The following MAML2 variants were observed in gnomAD, a reference collection of about 807,000 sequenced individuals.
MAML2 encodes the protein mastermind-like protein 2.
MAML2 carries 22 observed loss-of-function variants against 96.1 expected under a neutral mutation model. The observed-to-expected ratio is 0.23, with a 90% CI of 0.16 to 0.33. The LOEUF (loss-of-function observed/expected upper bound fraction) is 0.33. MAML2 is among the 10% of genes least tolerant of loss of function. MAML2 has a pLI of 1.00. For missense variants in MAML2, 1,367 were observed against 1,392.4 expected (o/e 0.98, Z 0.29); for synonymous variants, 561 against 521.3 (o/e 1.08, Z -1.04).
intron 1 of MAML2, among the ~76,000 whole-genome samples, chr11:96,178,598 G>A (rs1565239147): frequency 6.6e-6 from 1 of 152,060 alleles, no homozygotes; most frequent in Non-Finnish European, 1.5e-5. Context: ...ACAACCAATC[G>A]CCTAAAACTA....
intron 1 of MAML2, among the ~76,000 whole-genome samples, chr11:96,341,010 G>A (rs949902517): frequency 6.6e-6 from 1 of 152,162 alleles, no homozygotes; most frequent in African/African-American, 2.4e-5. Flanking sequence ...AAAATGGCTT[G>A]GGGGCCTAAT....
intron 1 of MAML2, among the ~76,000 whole-genome samples, chr11:96,210,711 T>C (rs751573563): frequency 6.6e-6 from 1 of 152,186 alleles, no homozygotes; most frequent in Admixed American, 6.5e-5. Flanking sequence ...GCACCTAGCA[T>C]AGAGCATAGA....
intron 2 of MAML2, among the ~76,000 whole-genome samples, chr11:96,088,897 T>C (rs555333313): frequency 9.9e-5 from 15 of 152,104 alleles, no homozygotes; most frequent in Admixed American, 6.5e-5. Flanking sequence ...AAAGGGAAGG[T>C]CACCTTGCAT....
At chr11:96,273,197 T>C (rs1862940181) in intron 1 of MAML2, among the ~76,000 whole-genome samples, 1 of 152,224 alleles carries the variant, frequency 6.6e-6, no homozygotes, top group Admixed American at 6.5e-5. Context: ...TGACAGCAAT[T>C]GAAAACAATC....
intron 2 of MAML2, among the ~76,000 whole-genome samples, chr11:96,034,509 GTTAT>G (rs898251791): frequency 4.1e-4 from 62 of 149,844 alleles, no homozygotes; most frequent in African/African-American, 1.5e-3. Context: ...AAAAACATTT[GTTAT>G]TTATGAAACC....
rs933895733 is a variant in MAML2 at position 96,015,614 on chromosome 11, T to C, written c.2140-23891A>G. On this transcript the variant is annotated intron_variant, in intron 2 of 4. Coordinates refer to ENST00000524717, the MANE Select transcript of MAML2 (RefSeq NM_032427.4). ...GGGGGGGCAATTCATGAAGACATAT[T>C]AGTGATGACCCATGTGTACCAAAAT... Among the ~76,000 whole-genome samples, 5 of 143,496 alleles carry C rather than the reference T, an allele frequency of 3.5e-5. No homozygotes were observed. In the Admixed American group the frequency reaches 3.5e-4, roughly 10 times the overall value. The allele number at this position is 143,496 out of a possible 152,430, so 94.1% of individuals were successfully genotyped here.
At chr11:96,209,604 A>G (rs996495503) in intron 1 of MAML2, among the ~76,000 whole-genome samples, 3 of 37,614 alleles carry the variant, frequency 8.0e-5, no homozygotes, top group African/African-American at 1.7e-4. Flanking sequence ...AAACAAACAA[A>G]CAAAAAAGCA....
At chr11:96,062,388 G>A (rs544428844) in intron 2 of MAML2, among the ~76,000 whole-genome samples, 1 of 152,304 alleles carries the variant, frequency 6.6e-6, no homozygotes, top group South Asian at 2.1e-4. Context: ...CAGCTGGAGG[G>A]GGTGTATAGG....
At chr11:96,231,186 G>T (rs1033152283) in intron 1 of MAML2, among the ~76,000 whole-genome samples, 1 of 152,042 alleles carries the variant, frequency 6.6e-6, no homozygotes, top group South Asian at 2.1e-4. Flanking sequence ...GATTCCCACA[G>T]GTAAAATTAT....
Position 96,118,567 on chromosome 11 carries a change from G to C in MAML2, c.514-25050C>G, listed in dbSNP as rs1860283474. Among the ~76,000 whole-genome samples the C allele has an allele frequency of 2.0e-5, 3 of 152,236 alleles. No individual in the cohort carries two copies. The South Asian group carries it at 6.2e-4, about 32-fold the overall frequency. On this transcript the variant is annotated intron_variant, in intron 1 of 4. Coordinates refer to ENST00000524717, the MANE Select transcript of MAML2 (RefSeq NM_032427.4). ...CTCAGGTATGTGTTTATAGCAGTGT[G>C]AAAATGGACTAACACACTCATCATA...
Position 96,195,698 on chromosome 11 carries a change from G to C in MAML2, c.514-102181C>G, listed in dbSNP as rs757900542. Among the ~76,000 whole-genome samples the C allele has an allele frequency of 2.6e-5, 4 of 152,188 alleles. No homozygotes were observed. In the South Asian group the frequency reaches 8.3e-4, roughly 31 times the overall value. Reference sequence around the variant, plus strand: ...CTAGGACTTATACCTCCATAGAATGGACGACCTGTGTGCATATAATTGTAA... The same window carrying C: ...CTAGGACTTATACCTCCATAGAATGCACGACCTGTGTGCATATAATTGTAA... On this transcript the variant is annotated intron_variant, in intron 1 of 4. Coordinates refer to ENST00000524717, the MANE Select transcript of MAML2 (RefSeq NM_032427.4).
intron 2 of MAML2, among the ~76,000 whole-genome samples, chr11:96,045,168 C>T (rs1334226348): frequency 6.6e-6 from 1 of 152,212 alleles, no homozygotes; most frequent in Non-Finnish European, 1.5e-5. Context: ...TTTCCTGTAT[C>T]TGGTGATTTA....
chr11:96,178,985 T>C lies in MAML2; in HGVS notation c.514-85468A>G, dbSNP rs150378030. ...CCCGATGAAATGGTCACCCTTGCAG[T>C]GCTGCAGGCTGTACACGTGCCTGAA... On this transcript the variant is annotated intron_variant, in intron 1 of 4. Transcript: ENST00000524717. Among the ~76,000 whole-genome samples, 1,057 of 152,322 alleles carry C rather than the reference T, an allele frequency of 6.9e-3. 8 individuals carry two copies. Among genetic ancestry groups the C allele is most frequent in the Non-Finnish European group, 8.5e-3 (575 of 68,016 alleles).
chr11:96,067,525 C>T (rs1859263949), intron 2 of MAML2, among the ~76,000 whole-genome samples: 1 of 152,240 alleles, frequency 6.6e-6, no homozygotes, highest in South Asian at 2.1e-4. Flanking sequence ...GATCTTCTTA[C>T]TCTATGCAGG....
Position 96,287,621 on chromosome 11 carries a change from A to G in MAML2, c.513+53762T>C, listed in dbSNP as rs533862374. ...AATTAAGAGTAGAATTGGTAAATAC[A>G]ATATTTATTTGAGAATCATCATGGT... is the stretch of plus-strand genomic sequence containing the variant. On this transcript the variant is annotated intron_variant, in intron 1 of 4. Coordinates refer to ENST00000524717, the MANE Select transcript of MAML2 (RefSeq NM_032427.4). Among the ~76,000 whole-genome samples the G allele has an allele frequency of 1.2e-4, 18 of 152,350 alleles. No individual in the cohort carries two copies. The East Asian group carries it at 2.9e-3, about 24-fold the overall frequency.
At chr11:96,229,983 TA>T (rs1862269063) in intron 1 of MAML2, among the ~76,000 whole-genome samples, 2 of 152,212 alleles carry the variant, frequency 1.3e-5, no homozygotes, top group Admixed American at 6.5e-5. Context: ...ATATTATTAT[TA>T]AACTTAACAC....
intron 1 of MAML2, among the ~76,000 whole-genome samples, chr11:96,268,721 A>G (rs188853188): frequency 3.9e-4 from 59 of 152,190 alleles, no homozygotes; most frequent in African/African-American, 1.4e-3. Flanking sequence ...GTGATAGTTA[A>G]TAAGTCTCAC....
intron 2 of MAML2, among the ~76,000 whole-genome samples, chr11:96,036,473 C>T (rs1002855003): frequency 1.3e-5 from 2 of 152,148 alleles, no homozygotes; most frequent in African/African-American, 4.8e-5. Context: ...GCCCCTGGAA[C>T]AGGTCTGGTC....
Position 96,062,106 on chromosome 11 carries a change from T to C in MAML2, c.2139+29786A>G, listed in dbSNP as rs185188976. On this transcript the variant is annotated intron_variant, in intron 2 of 4. Coordinates refer to ENST00000524717, the MANE Select transcript of MAML2 (RefSeq NM_032427.4). Reference sequence around the variant, plus strand: ...CACTTTAGTAGTCTTTTCTGATAAATTTAATCAATTAAGATAAAATAAGTT... The same window carrying C: ...CACTTTAGTAGTCTTTTCTGATAAACTTAATCAATTAAGATAAAATAAGTT... Among the ~76,000 whole-genome samples the C allele has an allele frequency of 2.0e-5, 3 of 152,336 alleles. No individual in the cohort carries two copies. In the East Asian group the frequency reaches 5.8e-4, roughly 29 times the overall value.
Sources: gnomAD v4.1 joint callset for allele counts (sites outside exome capture counted in the v4.1 genomes callset) on GRCh38, gnomAD v4.1.1 for gene constraint, MANE v1.5 for transcripts, NCBI Gene and HGNC (gene_info 2026-07-23, HGNC 2026-07-21) for gene names.